SCMH1: variants seen among roughly 807,000 people sequenced by gnomAD.
SCMH1 encodes polycomb protein SCMH1.
A neutral mutation model predicts 70.8 loss-of-function variants in SCMH1; 37 were observed. The observed-to-expected ratio is 0.52, with a 90% CI of 0.40 to 0.69. SCMH1 has a LOEUF of 0.69. SCMH1 is among the 30% of genes least tolerant of loss of function. SCMH1 has a pLI of 0.00. For synonymous variants in SCMH1, 292 were observed against 307.4 expected (o/e 0.95, Z 0.52); for missense variants, 607 against 827.3 (o/e 0.73, Z 3.27).
intron 11 of SCMH1, among the ~76,000 whole-genome samples, chr1:41,048,437 AG>A (rs1476240234): frequency 6.6e-6 from 1 of 152,190 alleles, no homozygotes; most frequent in African/African-American, 2.4e-5. Context: ...CTGTACGGAC[AG>A]GTCAATCAGG....
intron 2 of SCMH1, 65 bp from the exon 3 acceptor site, chr1:41,161,497 G>C (rs964891588): frequency 2.7e-6 from 4 of 1,495,472 alleles, no homozygotes; most frequent in Non-Finnish European, 3.6e-6. Flanking sequence ...TTTCCAATTT[G>C]GCAGTATGTA....
intron 10 of SCMH1, among the ~76,000 whole-genome samples, chr1:41,063,439 C>G (rs1272498119): frequency 6.6e-6 from 1 of 152,078 alleles, no homozygotes; most frequent in Admixed American, 6.5e-5. Context: ...CACCACTGCA[C>G]TCCAGCCTGG....
chr1:41,062,512 T>C (rs1223850190), intron 10 of SCMH1, among the ~76,000 whole-genome samples: 2 of 151,174 alleles, frequency 1.3e-5, no homozygotes, highest in African/African-American at 4.9e-5. Flanking sequence ...GAGGCTGAGG[T>C]GGGCAGATCA....
chr1:41,150,020 C>G (rs1455162788), intron 5 of SCMH1, among the ~76,000 whole-genome samples: 1 of 152,058 alleles, frequency 6.6e-6, no homozygotes, highest in African/African-American at 2.4e-5. Flanking sequence ...TTTCTCTGGA[C>G]TCACATTTTT....
intron 5 of SCMH1, 63 bp from the exon 6 acceptor site, chr1:41,143,175 G>T: frequency 7.5e-7 from 1 of 1,331,206 alleles, no homozygotes; most frequent in South Asian, 1.3e-5. Flanking sequence ...TTCATGTTTT[G>T]GATTCAGATT....
intron 1 of SCMH1, among the ~76,000 whole-genome samples, chr1:41,238,549 A>C (rs1158616894): frequency 6.6e-6 from 1 of 152,036 alleles, no homozygotes; most frequent in Non-Finnish European, 1.5e-5. Context: ...CTCCTGATTA[A>C]TCCCCTATCT....
At chr1:41,224,596 A>G (rs943178088) in intron 1 of SCMH1, among the ~76,000 whole-genome samples, 2 of 152,214 alleles carry the variant, frequency 1.3e-5, no homozygotes, top group Non-Finnish European at 2.9e-5. Flanking sequence ...TCTACTAGAC[A>G]CTTTTTTATA....
chr1:41,092,900 T>C (rs962020598), intron 8 of SCMH1, among the ~76,000 whole-genome samples: 58 of 152,196 alleles, frequency 3.8e-4, no homozygotes, highest in African/African-American at 1.1e-3. Context: ...TGTGGAGAAA[T>C]AGGAATGCTT....
intron 4 of SCMH1, among the ~76,000 whole-genome samples, chr1:41,156,953 CT>C (rs66641047): frequency 0.56 from 61,567 of 110,696 alleles, 16,440 homozygotes; most frequent in African/African-American, 0.76. Flanking sequence ...TATAAGCCAA[CT>C]TTTTTTTTTT....
At chr1:41,117,300 TGAG>T (rs1163436781) in intron 6 of SCMH1, among the ~76,000 whole-genome samples, 2 of 151,964 alleles carry the variant, frequency 1.3e-5, no homozygotes, top group Admixed American at 6.6e-5. Context: ...AGATAGGAGC[TGAG>T]GGGACATAGT....
At chr1:41,226,714 C>T (rs1386745921) in intron 1 of SCMH1, among the ~76,000 whole-genome samples, 1 of 152,078 alleles carries the variant, frequency 6.6e-6, no homozygotes, top group Non-Finnish European at 1.5e-5. Flanking sequence ...GCTATTCTGA[C>T]ATATATTAAT....
rs140951721 is a variant in SCMH1, at chr1:41,119,438, CA to C, written c.413-2429del. ...GCCCAGCTTTTTTTTCCCTTTAGGG[CA>C]AAAAAAAAACAAAAAAAAAAAAACC... On this transcript the variant is annotated intron_variant, in intron 6 of 14. Coordinates refer to ENST00000337495, the Ensembl canonical transcript of SCMH1. 1.2e-4 allele frequency among the ~76,000 whole-genome samples: 10 copies of C among 85,462 alleles called. No homozygotes were observed. The South Asian group carries it at 1.3e-3, about 11-fold the overall frequency. 56.1% of individuals were successfully genotyped at this position (85,462 alleles called of 152,430 possible).
chr1:41,208,436 A>T (rs202103783), intron 1 of SCMH1, among the ~76,000 whole-genome samples: 19 of 15,086 alleles, frequency 1.3e-3, no homozygotes, highest in Non-Finnish European at 2.6e-3. Flanking sequence ...GAAAAAAATT[A>T]AAAAAAAAAA....
At chr1:41,140,513 G>T (rs1355309382) in intron 6 of SCMH1, among the ~76,000 whole-genome samples, 2 of 152,004 alleles carry the variant, frequency 1.3e-5, no homozygotes, top group Admixed American at 6.6e-5. Context: ...GAATGATCTC[G>T]ATCTCCTGAC....
chr1:41,056,437 A>G (rs1434688312), intron 10 of SCMH1, among the ~76,000 whole-genome samples: 1 of 151,684 alleles, frequency 6.6e-6, no homozygotes, highest in Admixed American at 6.6e-5. Flanking sequence ...GGTCATAAGG[A>G]TATTTGTGTA....
At chr1:41,075,859 T>A (rs1377421639) in intron 8 of SCMH1, among the ~76,000 whole-genome samples, 9 of 152,124 alleles carry the variant, frequency 5.9e-5, no homozygotes, top group Admixed American at 5.9e-4. Context: ...GGTTACATAG[T>A]GAGTTGGGAT....
chr1:41,121,266 T>C (rs1671871745), intron 6 of SCMH1, among the ~76,000 whole-genome samples: 1 of 152,190 alleles, frequency 6.6e-6, no homozygotes, highest in Non-Finnish European at 1.5e-5. Flanking sequence ...AACTGAGGCT[T>C]AGAGAAATTA....
chr1:41,198,524 G>GT (rs888301378), intron 1 of SCMH1, among the ~76,000 whole-genome samples: 1 of 152,122 alleles, frequency 6.6e-6, no homozygotes, highest in African/African-American at 2.4e-5. Flanking sequence ...TTCAAGAATT[G>GT]TTTTTTATAA....
chr1:41,237,142 T>G (rs984047504), intron 1 of SCMH1, among the ~76,000 whole-genome samples: 2 of 152,224 alleles, frequency 1.3e-5, no homozygotes, highest in African/African-American at 4.8e-5. Context: ...TGCCAGGGGT[T>G]GTGCGGTTAA....
Sources: allele counts gnomAD v4.1 joint callset (sites outside exome capture counted in the v4.1 genomes callset), GRCh38; gene constraint gnomAD v4.1.1; transcripts MANE v1.5; gene names NCBI Gene and HGNC (gene_info 2026-07-23, HGNC 2026-07-21).